AUTS2: variants seen among roughly 807,000 people sequenced by gnomAD.
The protein encoded by AUTS2 is autism susceptibility gene 2 protein.
AUTS2 carries 17 observed loss-of-function variants against 112.4 expected under a neutral mutation model. The observed-to-expected ratio is 0.15, with a 90% CI of 0.10 to 0.23. The LOEUF (loss-of-function observed/expected upper bound fraction) is 0.23, where lower values mean the gene tolerates loss of function less well. Among genes scored for constraint, AUTS2 ranks in the 10% least tolerant of loss-of-function variants. The probability of loss-of-function intolerance (pLI) is 1.00; values close to 1 mark genes in which losing one functional copy is unlikely to be tolerated. For synonymous variants in AUTS2, 751 were observed against 702.7 expected (o/e 1.07, Z -1.09); for missense variants, 1,510 against 1,701.6 (o/e 0.89, Z 1.98).
chr7:70,406,733 C>T (rs753119723), intron 4 of AUTS2, among the ~76,000 whole-genome samples: 1 of 152,166 alleles, frequency 6.6e-6, no homozygotes, highest in Non-Finnish European at 1.5e-5. Flanking sequence ...GACATCAATT[C>T]GTCTTCTCTT....
At chr7:70,771,068 A>G (rs1166151217) in intron 10 of AUTS2, 1 of 152,338 alleles carries the variant, frequency 6.6e-6, no homozygotes, top group Admixed American at 6.5e-5. Flanking sequence ...TCAAACTATT[A>G]AAAGTCTGAA....
At chr7:70,088,699 G>A (rs1020608259) in intron 2 of AUTS2, among the ~76,000 whole-genome samples, 16 of 150,446 alleles carry the variant, frequency 1.1e-4, no homozygotes, top group African/African-American at 3.7e-4. Flanking sequence ...TGCAACCTCC[G>A]CCTCCCAGGT....
intron 1 of AUTS2, among the ~76,000 whole-genome samples, chr7:69,804,497 G>C (rs898152306): frequency 6.6e-6 from 1 of 152,088 alleles, no homozygotes; most frequent in South Asian, 2.1e-4. Flanking sequence ...TGTCACCTTC[G>C]TCTCTACTTT....
chr7:70,449,799 G>T (rs531574955), intron 5 of AUTS2, among the ~76,000 whole-genome samples: 9 of 152,260 alleles, frequency 5.9e-5, no homozygotes, highest in Admixed American at 5.9e-4. Flanking sequence ...GAAATACACA[G>T]GATTTTGTAG....
At chr7:70,649,031 C>G (rs1806333718) in intron 5 of AUTS2, among the ~76,000 whole-genome samples, 1 of 152,134 alleles carries the variant, frequency 6.6e-6, no homozygotes, top group Non-Finnish European at 1.5e-5. Context: ...AATGCCTTTT[C>G]CTATTGACCT....
intron 4 of AUTS2, among the ~76,000 whole-genome samples, chr7:70,240,541 C>G (rs75888827): frequency 0.022 from 3,346 of 152,244 alleles, 58 homozygotes; most frequent in Non-Finnish European, 0.034. Context: ...TCTAGTATTA[C>G]TAACATCTTT....
At chr7:70,314,059 C>T (rs1266574431) in intron 4 of AUTS2, among the ~76,000 whole-genome samples, 1 of 152,150 alleles carries the variant, frequency 6.6e-6, no homozygotes, top group East Asian at 1.9e-4. Context: ...AGGACATTTC[C>T]TCGTTCTTTC....
chr7:70,665,332 T>C (rs1241040193), intron 5 of AUTS2, among the ~76,000 whole-genome samples: 1 of 152,044 alleles, frequency 6.6e-6, no homozygotes, highest in Non-Finnish European at 1.5e-5. Context: ...GGTGTGATCA[T>C]GGCTCACTAT....
chr7:70,101,726 A>G (rs755779840), intron 2 of AUTS2, among the ~76,000 whole-genome samples: 16 of 151,940 alleles, frequency 1.1e-4, no homozygotes, highest in Non-Finnish European at 1.8e-4. Flanking sequence ...AAGAAATAAA[A>G]ATAAAAAGGT....
chr7:69,987,127 C>T (rs554145234), intron 2 of AUTS2, among the ~76,000 whole-genome samples: 2 of 152,270 alleles, frequency 1.3e-5, no homozygotes, highest in Admixed American at 6.5e-5. Flanking sequence ...AATTTCTCTT[C>T]GCTGGATTAA....
intron 14 of AUTS2, 83 bp from the exon 15 acceptor site, chr7:70,781,532 C>G: frequency 1.3e-6 from 2 of 1,517,108 alleles, no homozygotes; most frequent in Non-Finnish European, 1.8e-6. Context: ...GCACCGTTCA[C>G]AGTCTCCAGC....
At chr7:70,737,328 C>A (rs932548506) in intron 6 of AUTS2, among the ~76,000 whole-genome samples, 1 of 152,184 alleles carries the variant, frequency 6.6e-6, no homozygotes, top group Non-Finnish European at 1.5e-5. Context: ...TGCCAAAGGG[C>A]GGGAACATTA....
chr7:70,239,199 C>T (rs1812479602), intron 4 of AUTS2, among the ~76,000 whole-genome samples: 1 of 152,076 alleles, frequency 6.6e-6, no homozygotes, highest in Non-Finnish European at 1.5e-5. Context: ...CCTCTGCCTC[C>T]CCAGTATCTT....
chr7:70,776,070 T>C (rs6971633), intron 13 of AUTS2, among the ~76,000 whole-genome samples: 29,695 of 152,200 alleles, frequency 0.2, 3,413 homozygotes, highest in East Asian at 0.38. Flanking sequence ...GTGTCATCAC[T>C]TAGGTGAGGC....
At chr7:70,393,503 A>C (rs1207953043) in intron 4 of AUTS2, among the ~76,000 whole-genome samples, 2 of 151,900 alleles carry the variant, frequency 1.3e-5, no homozygotes, top group African/African-American at 4.8e-5. Flanking sequence ...ATTTTTCTGA[A>C]CCAAAGAGAG....
intron 1 of AUTS2, among the ~76,000 whole-genome samples, chr7:69,828,162 G>A (rs955829260): frequency 1.3e-5 from 2 of 152,180 alleles, no homozygotes; most frequent in African/African-American, 4.8e-5. Context: ...TTGAGTTCAG[G>A]GGGGTACATC....
At chr7:70,711,410 C>A (rs1810042882) in intron 6 of AUTS2, among the ~76,000 whole-genome samples, 1 of 152,194 alleles carries the variant, frequency 6.6e-6, no homozygotes, top group African/African-American at 2.4e-5. Flanking sequence ...ACAAAATAGA[C>A]CTTCACCTGA....
intron 4 of AUTS2, among the ~76,000 whole-genome samples, chr7:70,217,035 G>A (rs1251819118): frequency 6.6e-6 from 1 of 151,934 alleles, no homozygotes; most frequent in Non-Finnish European, 1.5e-5. Context: ...TCTGTGGGAC[G>A]TCTTACATAG....
At chr7:69,777,012 G>C (rs1170313931) in intron 1 of AUTS2, among the ~76,000 whole-genome samples, 1 of 151,864 alleles carries the variant, frequency 6.6e-6, no homozygotes, top group Non-Finnish European at 1.5e-5. Flanking sequence ...GCCCTTATTT[G>C]AGTAACTGTC....
Sources: gnomAD v4.1 joint callset for allele counts (sites outside exome capture counted in the v4.1 genomes callset) on GRCh38, gnomAD v4.1.1 for gene constraint, MANE v1.5 for transcripts, NCBI Gene and HGNC (gene_info 2026-07-23, HGNC 2026-07-21) for gene names.